Variants in LYPLAL1 observed in about 807,000 individuals in gnomAD.
LYPLAL1 encodes the protein lysophospholipase like 1.
Under a neutral mutation model 19.7 loss-of-function variants are expected in LYPLAL1, and 23 were observed. The ratio of observed to expected loss-of-function variants is 1.17; its 90% confidence interval spans 0.84 to 1.65. The LOEUF is 1.65. LYPLAL1 is among the 40% of genes most tolerant of loss of function. The pLI is 0.00. For synonymous variants in LYPLAL1, 119 were observed against 96.3 expected (o/e 1.24, Z -1.38); for missense variants, 355 against 279.4 (o/e 1.27, Z -1.93).
chr1:219,358,458 T>G, the LYPLAL1 span, among the ~76,000 whole-genome samples: 1 of 152,172 alleles, frequency 6.6e-6, no homozygotes, highest in Non-Finnish European at 1.5e-5. Context: ...CACAGCACTA[T>G]AAAGAACTGC....
At chr1:219,204,656 A>G (rs1370563628) in intron 3 of LYPLAL1, among the ~76,000 whole-genome samples, 1 of 152,196 alleles carries the variant, frequency 6.6e-6, no homozygotes, top group Non-Finnish European at 1.5e-5. Context: ...GTTTTTATAT[A>G]CATTAGATCT....
chr1:219,408,075 TAAC>T, the LYPLAL1 span, among the ~76,000 whole-genome samples: 4 of 152,162 alleles, frequency 2.6e-5, no homozygotes, highest in Non-Finnish European at 5.9e-5. Flanking sequence ...ATTCACTCTA[TAAC>T]AACATGTCAG....
At chr1:219,388,498 T>G in the LYPLAL1 span, among the ~76,000 whole-genome samples, 1 of 152,078 alleles carries the variant, frequency 6.6e-6, no homozygotes, top group Non-Finnish European at 1.5e-5. Flanking sequence ...AATTCCAAAC[T>G]CTAAAAAGAG....
the LYPLAL1 span, among the ~76,000 whole-genome samples, chr1:219,338,131 G>T: frequency 6.6e-6 from 1 of 152,120 alleles, no homozygotes; most frequent in South Asian, 2.1e-4. Flanking sequence ...TCAAGGGCAA[G>T]CATGCAACCT....
the LYPLAL1 span, chr1:219,409,706 C>T: frequency 2.0e-4 from 31 of 152,248 alleles, no homozygotes; most frequent in African/African-American, 7.2e-4. Flanking sequence ...GTGGTTTCTC[C>T]AAGACGTGAG....
the LYPLAL1 span, among the ~76,000 whole-genome samples, chr1:219,229,005 C>T: frequency 2.6e-5 from 4 of 151,972 alleles, no homozygotes; most frequent in African/African-American, 9.7e-5. Context: ...TATTGTAACT[C>T]TTTTAATCTT....
chr1:219,404,770 A>C, the LYPLAL1 span, among the ~76,000 whole-genome samples: 1 of 152,234 alleles, frequency 6.6e-6, no homozygotes, highest in Admixed American at 6.5e-5. Flanking sequence ...CTGGAAGGGA[A>C]GATTTGAAAT....
At chr1:219,232,863 T>TA in the LYPLAL1 span, among the ~76,000 whole-genome samples, 37 of 116,640 alleles carry the variant, frequency 3.2e-4, no homozygotes, top group Non-Finnish European at 4.3e-4. Context: ...TGGCTACTAT[T>TA]TAAAAAAAAA....
chr1:219,194,584 G>C (rs559072113), intron 3 of LYPLAL1, among the ~76,000 whole-genome samples: 26 of 152,076 alleles, frequency 1.7e-4, no homozygotes, highest in African/African-American at 6.3e-4. Context: ...CTCTAATGTG[G>C]TATAACTAAT....
downstream of LYPLAL1, among the ~76,000 whole-genome samples, chr1:219,213,071 T>A (rs950998888): frequency 1.8e-4 from 27 of 152,058 alleles, no homozygotes; most frequent in African/African-American, 6.5e-4. Flanking sequence ...CTTTATCCAT[T>A]CAGTAAGTAT....
the LYPLAL1 span, among the ~76,000 whole-genome samples, chr1:219,410,844 C>T: frequency 6.6e-6 from 1 of 152,214 alleles, no homozygotes. Context: ...GCTGGCCCAC[C>T]GGCGCTGCGC....
the LYPLAL1 span, among the ~76,000 whole-genome samples, chr1:219,310,472 A>G: frequency 6.6e-6 from 1 of 152,176 alleles, no homozygotes; most frequent in African/African-American, 2.4e-5. Context: ...AGTGTCCTGA[A>G]AGCAGGAACA....
chr1:219,251,559 G>T, the LYPLAL1 span, among the ~76,000 whole-genome samples: 116 of 149,772 alleles, frequency 7.7e-4, 1 homozygote, highest in African/African-American at 2.6e-3. Context: ...ATTTTTTTTT[G>T]TCAGCTTTGT....
At chr1:219,293,592 A>G in the LYPLAL1 span, among the ~76,000 whole-genome samples, 2 of 152,236 alleles carry the variant, frequency 1.3e-5, no homozygotes, top group African/African-American at 2.4e-5. Context: ...CTTGTTTCCT[A>G]TGGCTGAAAG....
the LYPLAL1 span, among the ~76,000 whole-genome samples, chr1:219,416,808 C>A: frequency 6.6e-6 from 1 of 152,146 alleles, no homozygotes; most frequent in Non-Finnish European, 1.5e-5. Flanking sequence ...CCTTTTGTCG[C>A]CATCTGCTGG....
At chr1:219,328,059 AG>A in the LYPLAL1 span, among the ~76,000 whole-genome samples, 4 of 152,134 alleles carry the variant, frequency 2.6e-5, no homozygotes, top group Non-Finnish European at 5.9e-5. Context: ...CTGTATCTAA[AG>A]GTTTGCTTAC....
At chr1:219,338,936 G>C in the LYPLAL1 span, among the ~76,000 whole-genome samples, 6 of 151,800 alleles carry the variant, frequency 4.0e-5, no homozygotes, top group Admixed American at 6.6e-5. Context: ...AAATCTGTAA[G>C]TTGATTAGAC....
At chr1:219,284,729 A>C in the LYPLAL1 span, among the ~76,000 whole-genome samples, 62 of 152,314 alleles carry the variant, frequency 4.1e-4, no homozygotes, top group African/African-American at 1.4e-3. Flanking sequence ...AGATGCAGAA[A>C]CTGATATCAA....
At chr1:219,304,117 C>T in the LYPLAL1 span, among the ~76,000 whole-genome samples, 1 of 152,148 alleles carries the variant, frequency 6.6e-6, no homozygotes, top group African/African-American at 2.4e-5. Context: ...TCTCTGATCC[C>T]TATAATCCTT....
Sources: gnomAD v4.1 joint callset for allele counts (sites outside exome capture counted in the v4.1 genomes callset) on GRCh38, gnomAD v4.1.1 for gene constraint, MANE v1.5 for transcripts, NCBI Gene and HGNC (gene_info 2026-07-23, HGNC 2026-07-21) for gene names.